ADGRL3: variants seen among roughly 807,000 people sequenced by gnomAD.
ADGRL3 encodes adhesion G protein-coupled receptor L3, also known as calcium-independent alpha-latrotoxin receptor 3.
In ADGRL3, 62 loss-of-function variants were observed where a neutral mutation model predicts 153.5. That is an observed-to-expected ratio of 0.40 (90% confidence interval 0.33 to 0.50). The LOEUF (loss-of-function observed/expected upper bound fraction) is 0.50, where lower values mean the gene tolerates loss of function less well. ADGRL3 is among the 20% of genes least tolerant of loss of function. The probability of loss-of-function intolerance (pLI) is 0.47; values close to 1 mark genes in which losing one functional copy is unlikely to be tolerated. For missense variants in ADGRL3, 1,641 were observed against 1,859.4 expected (o/e 0.88, Z 2.16); for synonymous variants, 710 against 672.5 (o/e 1.06, Z -0.86).
intron 11 of ADGRL3, among the ~76,000 whole-genome samples, chr4:61,902,572 A>G (rs1212491021): frequency 6.6e-6 from 1 of 151,986 alleles, no homozygotes; most frequent in Non-Finnish European, 1.5e-5. Context: ...TCTAAACCAG[A>G]ACTACTTACT....
At chr4:62,035,174 G>T (rs1190075443) in intron 23 of ADGRL3, among the ~76,000 whole-genome samples, 1 of 151,850 alleles carries the variant, frequency 6.6e-6, no homozygotes, top group East Asian at 1.9e-4. Flanking sequence ...AATAAAGTCA[G>T]TATAATGATT....
chr4:61,606,999 G>T (rs963966951), intron 5 of ADGRL3, among the ~76,000 whole-genome samples: 3 of 152,186 alleles, frequency 2.0e-5, no homozygotes, highest in African/African-American at 7.2e-5. Flanking sequence ...CACTGAGACT[G>T]TGGTATTGCA....
At chr4:61,379,490 T>A (rs2096642509) in intron 1 of ADGRL3, among the ~76,000 whole-genome samples, 1 of 152,052 alleles carries the variant, frequency 6.6e-6, no homozygotes, top group African/African-American at 2.4e-5. Flanking sequence ...TTTCTCTAAC[T>A]CGTTGTATTG....
At chr4:62,016,103 C>T (rs933470996) in intron 21 of ADGRL3, among the ~76,000 whole-genome samples, 1 of 151,780 alleles carries the variant, frequency 6.6e-6, no homozygotes, top group Admixed American at 6.6e-5. Flanking sequence ...GGCTGGAGTG[C>T]AGTGGCCTGA....
chr4:61,757,810 G>C (rs1446873843), intron 8 of ADGRL3, among the ~76,000 whole-genome samples: 1 of 152,056 alleles, frequency 6.6e-6, no homozygotes, highest in African/African-American at 2.4e-5. Context: ...CAGAGATTCT[G>C]GTATGTTGTG....
chr4:61,663,855 G>A (rs2094693626), intron 5 of ADGRL3, among the ~76,000 whole-genome samples: 1 of 152,000 alleles, frequency 6.6e-6, no homozygotes. Context: ...TGTTTTATAT[G>A]AAATAAAAAC....
intron 6 of ADGRL3, among the ~76,000 whole-genome samples, chr4:61,709,341 G>A (rs913873095): frequency 1.3e-5 from 2 of 152,092 alleles, no homozygotes; most frequent in African/African-American, 4.8e-5. Context: ...TATTACCTGA[G>A]TATAAGTCAT....
chr4:61,877,918 T>A (rs986457803), intron 9 of ADGRL3, among the ~76,000 whole-genome samples: 3 of 152,122 alleles, frequency 2.0e-5, no homozygotes, highest in Non-Finnish European at 4.4e-5. Flanking sequence ...TCATGAGACC[T>A]GATGATGATT....
At chr4:61,860,168 G>A (rs961236369) in intron 9 of ADGRL3, among the ~76,000 whole-genome samples, 1 of 152,036 alleles carries the variant, frequency 6.6e-6, no homozygotes. Flanking sequence ...AACCTTCCCA[G>A]GTGCTTTCCA....
intron 5 of ADGRL3, among the ~76,000 whole-genome samples, chr4:61,596,087 C>A (rs1302082088): frequency 6.6e-6 from 1 of 152,048 alleles, no homozygotes; most frequent in Non-Finnish European, 1.5e-5. Context: ...TCCTCAGTGC[C>A]CTCTTTTAGC....
intron 17 of ADGRL3, among the ~76,000 whole-genome samples, chr4:61,957,664 C>T (rs1221809280): frequency 2.7e-5 from 4 of 150,938 alleles, no homozygotes; most frequent in African/African-American, 9.7e-5. Flanking sequence ...CTGACAAAGA[C>T]CTTAGGAAAA....
intron 1 of ADGRL3, among the ~76,000 whole-genome samples, chr4:61,372,927 G>A (rs530117976): frequency 4.3e-4 from 65 of 152,316 alleles, no homozygotes; most frequent in Middle Eastern, 3.4e-3. Context: ...ATATAATCTC[G>A]TGGTGCGCCC....
At chr4:61,323,271 G>A (rs2095400260) in intron 1 of ADGRL3, among the ~76,000 whole-genome samples, 1 of 152,162 alleles carries the variant, frequency 6.6e-6, no homozygotes. Context: ...TGTGATGGGA[G>A]GGGCTGCTGC....
chr4:62,047,158 T>A (rs371117331), intron 25 of ADGRL3, among the ~76,000 whole-genome samples: 1 of 152,050 alleles, frequency 6.6e-6, no homozygotes, highest in East Asian at 1.9e-4. Context: ...ATAGTGTTTT[T>A]TTTTAAATTC....
chr4:61,475,080 AAT>A (rs1328682978), intron 2 of ADGRL3, among the ~76,000 whole-genome samples: 15 of 152,282 alleles, frequency 9.9e-5, no homozygotes, highest in African/African-American at 3.1e-4. Context: ...AAAAATGTGA[AAT>A]ATATGTTTTC....
At chr4:61,759,982 A>G (rs1228610224) in intron 8 of ADGRL3, among the ~76,000 whole-genome samples, 1 of 152,198 alleles carries the variant, frequency 6.6e-6, no homozygotes, top group African/African-American at 2.4e-5. Context: ...GCTGCAGAAC[A>G]TCGGATACTG....
In ADGRL3 at chr4:61,711,461, TATATATATATA is replaced by T. The variant is rs1561105127; in HGVS notation, c.584-19160_584-19150del. 2.6e-4 allele frequency among the ~76,000 whole-genome samples: 18 copies of T among 70,116 alleles called. 1 individual carries two copies. The highest frequency in any genetic ancestry group is 3.6e-4 in the Non-Finnish European group (14 of 38,656). The allele number at this position is 70,116 out of a possible 152,430, so 46.0% of individuals were successfully genotyped here. On this transcript the variant is annotated intron_variant, in intron 6 of 26. Coordinates refer to ENST00000683033, the MANE Select transcript of ADGRL3 (RefSeq NM_001387552.1). Reference sequence around the variant, plus strand: ...CTATCTTAAAACATATGCTTCATTATATATATATATATATATATATATATATATATACACAC... The same window carrying T: ...CTATCTTAAAACATATGCTTCATTATTATATATATATATATATATACACAC...
chr4:61,231,944 C>T (rs1001018926), intron 1 of ADGRL3, among the ~76,000 whole-genome samples: 1 of 151,642 alleles, frequency 6.6e-6, no homozygotes, highest in African/African-American at 2.4e-5. Flanking sequence ...ACTAGCTTAG[C>T]ATAAAGAAAC....
chr4:61,226,131 T>A (rs1159497974), intron 1 of ADGRL3, among the ~76,000 whole-genome samples: 4 of 152,194 alleles, frequency 2.6e-5, no homozygotes, highest in Non-Finnish European at 4.4e-5. Flanking sequence ...CTCTATTGTT[T>A]TTTTTTCAGT....
Sources: gnomAD v4.1 joint callset for allele counts (sites outside exome capture counted in the v4.1 genomes callset) on GRCh38, gnomAD v4.1.1 for gene constraint, MANE v1.5 for transcripts, NCBI Gene and HGNC (gene_info 2026-07-23, HGNC 2026-07-21) for gene names.